Variants in SGSM1 observed in about 807,000 individuals in gnomAD.
The protein encoded by SGSM1 is small G protein signaling modulator 1.
In SGSM1, 73 loss-of-function variants were observed where a neutral mutation model predicts 133.8. The ratio of observed to expected loss-of-function variants is 0.55; its 90% CI spans 0.45 to 0.66. SGSM1 has a LOEUF of 0.66. Among genes scored for constraint, SGSM1 ranks in the 30% least tolerant of loss-of-function variants. SGSM1 has a pLI of 0.00. For missense variants in SGSM1, 1,213 were observed against 1,448.1 expected (o/e 0.84, Z 2.64); for synonymous variants, 563 against 573.0 (o/e 0.98, Z 0.25).
intron 19 of SGSM1, among the ~76,000 whole-genome samples, chr22:24,900,385 T>TTCTTTCTTTCTG (rs1238710968): frequency 1.1e-4 from 8 of 71,318 alleles, no homozygotes; most frequent in African/African-American, 4.2e-4. Context: ...CTTTCTTTCT[T>TTCTTTCTTTCTG]TCTTTCTTTC....
intron 2 of SGSM1, among the ~76,000 whole-genome samples, chr22:24,819,274 A>G (rs1186522231): frequency 6.6e-6 from 1 of 152,180 alleles, no homozygotes; most frequent in Admixed American, 6.5e-5. Context: ...TCTGCATTTC[A>G]ATCAAGTTAA....
At position 24,847,651 on chromosome 22, in the gene SGSM1, G is replaced by A. The variant is rs200042106; in HGVS notation, c.157G>A (p.Val53Ile). ...CCCTGCAGCGGCTGTGGAGGCCTGC[G>A]TTCTGCACGGGCTTCGGCGGCGGGC... is the stretch of plus-strand genomic sequence containing the variant. ...ISFCAAVEAC[V>I]LHGLRRRAAG... The change falls in exon 4 of 25, where the codon GTT (valine) becomes ATT (isoleucine). Residue 53 changes from valine (V) to isoleucine (I), a missense_variant. Val to Ile is a conservative substitution (Grantham distance 29). Transcript: ENST00000400358. 942 of 1,613,492 alleles carry A rather than the reference G, an allele frequency of 5.8e-4. 1 individual carries two copies. Among genetic ancestry groups the A allele is most frequent in the Non-Finnish European group, 7.5e-4 (880 of 1,179,830 alleles).
chr22:24,881,788 C>T (rs925676374), intron 14 of SGSM1, among the ~76,000 whole-genome samples: 7 of 152,170 alleles, frequency 4.6e-5, no homozygotes, highest in Non-Finnish European at 1.0e-4. Context: ...AGGGTTCTCT[C>T]TGAGAACTGA....
At chr22:24,910,104 A>G (rs1933564110) in intron 21 of SGSM1, among the ~76,000 whole-genome samples, 1 of 152,216 alleles carries the variant, frequency 6.6e-6, no homozygotes, top group Admixed American at 6.5e-5. Flanking sequence ...AAAGTTCACA[A>G]ATGGTGTGAT....
intron 2 of SGSM1, among the ~76,000 whole-genome samples, chr22:24,828,937 T>A (rs1928951571): frequency 6.6e-6 from 1 of 152,172 alleles, no homozygotes; most frequent in Admixed American, 6.5e-5. Context: ...CTCACGTCTA[T>A]GATCCCAGCA....
At chr22:24,858,435 C>T (rs1202238092) in intron 8 of SGSM1, among the ~76,000 whole-genome samples, 8 of 151,746 alleles carry the variant, frequency 5.3e-5, no homozygotes, top group Non-Finnish European at 7.4e-5. Context: ...GCCAACATGG[C>T]GAAACCCTAT....
At chr22:24,841,060 CA>C (rs1391002014) in intron 2 of SGSM1, among the ~76,000 whole-genome samples, 1 of 151,982 alleles carries the variant, frequency 6.6e-6, no homozygotes, top group Non-Finnish European at 1.5e-5. Flanking sequence ...CCGTGTTAGC[CA>C]AGATGGTCTC....
At position 24,909,861 on chromosome 22, in the gene SGSM1, G is replaced by T. The variant is rs180907363; in HGVS notation, c.2819-2782G>T. On this transcript the variant is annotated intron_variant, in intron 21 of 24. Transcript: ENST00000400358. ...CCGTAGATATATGCCTAAGAGAATT[G>T]AAAATATATGTGCATACAAATACCT... Among the ~76,000 whole-genome samples the T allele has an allele frequency of 6.4e-4, 97 of 152,214 alleles. No homozygotes were observed. In the East Asian group the frequency reaches 0.018, roughly 28 times the overall value.
rs576299738 is a variant in SGSM1, at chr22:24,855,617, G to T, written c.738G>T (p.Glu246Asp). The T allele has an allele frequency of 6.2e-7, 1 of 1,613,964 alleles. No homozygotes were observed. The highest frequency in any genetic ancestry group is 8.5e-7 in the Non-Finnish European group (1 of 1,179,892). ...RPSLSARDYV[E>D]SLHQNSRATL... ...CCCTCTCTGCCCGCGACTACGTGGA[G>T]TCCCTGCATCAGAACTCCCGTGCCA... Residue 246 changes from glutamate (E) to aspartate (D), a missense_variant, in exon 8 of 25, where the codon GAG becomes GAT. Transcript: ENST00000400358.
At chr22:24,816,433 T>TTTTTTG (rs1928085411) in intron 2 of SGSM1, among the ~76,000 whole-genome samples, 1 of 150,296 alleles carries the variant, frequency 6.7e-6, no homozygotes. Flanking sequence ...TTTTTTTTTT[T>TTTTTTG]GAGATGGTGT....
intron 2 of SGSM1, among the ~76,000 whole-genome samples, chr22:24,842,836 C>T (rs950601187): frequency 6.6e-6 from 1 of 152,188 alleles, no homozygotes; most frequent in South Asian, 2.1e-4. Flanking sequence ...ACATTTATTG[C>T]GTGCCAGGTT....
chr22:24,826,032 A>T (rs962526230), intron 2 of SGSM1, among the ~76,000 whole-genome samples: 1 of 152,200 alleles, frequency 6.6e-6, no homozygotes, highest in Non-Finnish European at 1.5e-5. Flanking sequence ...GGGTGCTTTA[A>T]ACCAGGGGTG....
In SGSM1 at chr22:24,876,611, C is replaced by T. The variant is rs1376986210; in HGVS notation, c.1326C>T (p.Asn442=). Residue 442 remains asparagine, a synonymous_variant, in exon 13 of 25, where the codon AAC becomes AAT. Coordinates refer to ENST00000400358, the MANE Select transcript of SGSM1 (RefSeq NM_001098497.3). The stretch of plus-strand genomic sequence containing the variant: ...ATCTGATGGACGTCTCTGTAAGCAA[C>T]CTCCCATCCCTGTGGCAGCCCAGTC... ...PQDLMDVSVS[N]LPSLWQPSPR... 1.9e-6 allele frequency: 3 copies of T among 1,614,040 alleles called. No individual in the cohort carries two copies. Among genetic ancestry groups the T allele is most frequent in the Admixed American group, 3.3e-5 (2 of 60,022 alleles).
At chr22:24,877,157 C>G (rs1305288043) in intron 13 of SGSM1, among the ~76,000 whole-genome samples, 1 of 152,178 alleles carries the variant, frequency 6.6e-6, no homozygotes, top group Non-Finnish European at 1.5e-5. Context: ...CCACTCACAG[C>G]CCATTGGCCC....
intron 12 of SGSM1, among the ~76,000 whole-genome samples, chr22:24,871,692 G>A (rs1297144190): frequency 4.6e-5 from 7 of 152,198 alleles, no homozygotes; most frequent in African/African-American, 1.4e-4. Context: ...TGGCTCCAGA[G>A]CCTGTGCCTC....
chr22:24,926,592 C>T lies in SGSM1; in HGVS notation c.*2318C>T, dbSNP rs1229377271. ...CAAAGTACAGCACAAAATCTCTTCT[C>T]TGCCTTCTCTTGTGATGTTCCAGAG... On this transcript the variant is annotated 3_prime_UTR_variant, in exon 25 of 25. Transcript: ENST00000400358. 6.6e-6 allele frequency: 1 copy of T among 152,184 alleles called. No individual in the cohort carries two copies. The highest frequency in any genetic ancestry group is 6.5e-5 in the Admixed American group (1 of 15,284). The allele number at this position is 152,184 out of a possible 1,614,324, so 9.4% of individuals were successfully genotyped here. A position where few individuals can be genotyped will look rare whatever the true frequency, so the allele number is the denominator to read the frequency against.
chr22:24,847,749 G>A lies in SGSM1; in HGVS notation c.255G>A (p.Glu85=). Residue 85 remains glutamate (E), a synonymous_variant, in exon 4 of 25, where the codon GAG becomes GAA. Transcript: ENST00000400358. ...MKVGKNFPPA[E]DLSRKVQDLE... ...TGGGCAAGAACTTCCCGCCGGCTGA[G>A]GATCTGAGCCGCAAGGTGCAAGACC... 6.2e-7 allele frequency: 1 copy of A among 1,613,938 alleles called. No homozygotes were observed. Among genetic ancestry groups the A allele is most frequent in the Non-Finnish European group, 8.5e-7 (1 of 1,179,866 alleles).
chr22:24,910,240 G>T (rs867308953), intron 21 of SGSM1, among the ~76,000 whole-genome samples: 3 of 151,432 alleles, frequency 2.0e-5, no homozygotes, highest in Non-Finnish European at 2.9e-5. Context: ...TTTGGGGTTG[G>T]GGGGGTAAAG....
rs1601928095 is a variant in SGSM1, at chr22:24,857,119, G to A, written c.801+1439G>A. Among the ~76,000 whole-genome samples the A allele has an allele frequency of 4.0e-5, 6 of 151,472 alleles. No individual in the cohort carries two copies. The South Asian group carries it at 1.3e-3, about 32-fold the overall frequency. ...TAAACAAATTTAAAAATGTTATTTA[G>A]AGGACCAAGTGTGGTGGCTCATGCC... On this transcript the variant is annotated intron_variant, in intron 8 of 24. Coordinates refer to ENST00000400358, the MANE Select transcript of SGSM1 (RefSeq NM_001098497.3).
Sources: gnomAD v4.1 joint callset for allele counts (sites outside exome capture counted in the v4.1 genomes callset) on GRCh38, gnomAD v4.1.1 for gene constraint, MANE v1.5 for transcripts, NCBI Gene and HGNC (gene_info 2026-07-23, HGNC 2026-07-21) for gene names.